Variants in BACH2 observed in about 807,000 individuals in gnomAD.
BACH2 encodes the protein transcription regulator protein BACH2.
A neutral mutation model predicts 61.8 loss-of-function variants in BACH2; 5 were observed. That is an observed-to-expected ratio of 0.08 (90% CI 0.04 to 0.17). The LOEUF (loss-of-function observed/expected upper bound fraction) is 0.17, where lower values mean the gene tolerates loss of function less well. Among genes scored for constraint, BACH2 ranks in the 10% least tolerant of loss-of-function variants. The pLI is 1.00. For missense variants in BACH2, 824 were observed against 1,091.1 expected (o/e 0.76, Z 3.45); for synonymous variants, 446 against 440.1 (o/e 1.01, Z -0.17).
chr6:90,170,509 G>A (rs1377474446), intron 4 of BACH2, among the ~76,000 whole-genome samples: 3 of 152,154 alleles, frequency 2.0e-5, no homozygotes, highest in African/African-American at 4.8e-5. Flanking sequence ...TGAAAAGTCA[G>A]TAAATGAGTG....
chr6:90,127,064 A>G (rs1273546585), intron 4 of BACH2, among the ~76,000 whole-genome samples: 1 of 152,256 alleles, frequency 6.6e-6, no homozygotes, highest in East Asian at 1.9e-4. Flanking sequence ...ACTGCTCACA[A>G]GTGACGCTCA....
At chr6:90,115,106 T>A (rs1783338193) in intron 4 of BACH2, among the ~76,000 whole-genome samples, 1 of 152,104 alleles carries the variant, frequency 6.6e-6, no homozygotes, top group African/African-American at 2.4e-5. Flanking sequence ...CCGAAGCAAT[T>A]TACAGATTCA....
At chr6:90,179,821 A>G (rs926254502) in intron 4 of BACH2, among the ~76,000 whole-genome samples, 3 of 152,242 alleles carry the variant, frequency 2.0e-5, no homozygotes, top group African/African-American at 7.2e-5. Flanking sequence ...CTGGGAACCA[A>G]TGCCATAGAA....
intron 5 of BACH2, among the ~76,000 whole-genome samples, chr6:90,033,367 A>AG (rs1341532379): frequency 1.3e-5 from 2 of 151,914 alleles, no homozygotes; most frequent in Non-Finnish European, 2.9e-5. Context: ...AAAAAAAAAA[A>AG]AAAGAAAATC....
At chr6:90,181,174 T>C (rs906599732) in intron 4 of BACH2, among the ~76,000 whole-genome samples, 2 of 152,310 alleles carry the variant, frequency 1.3e-5, no homozygotes, top group African/African-American at 4.8e-5. Context: ...TGTACATCAA[T>C]ATCTATTGTT....
At chr6:90,146,391 G>C (rs1196107697) in intron 4 of BACH2, among the ~76,000 whole-genome samples, 2 of 152,190 alleles carry the variant, frequency 1.3e-5, no homozygotes, top group African/African-American at 4.8e-5. Flanking sequence ...ATTCATCCTT[G>C]TTTTCCAGTG....
chr6:90,076,334 C>G (rs1293028283), intron 5 of BACH2, among the ~76,000 whole-genome samples: 1 of 152,118 alleles, frequency 6.6e-6, no homozygotes, highest in African/African-American at 2.4e-5. Context: ...TACTGAACAC[C>G]TAATATCACC....
intron 1 of BACH2, among the ~76,000 whole-genome samples, chr6:90,281,244 G>GT (rs1443500653): frequency 2.0e-5 from 3 of 152,294 alleles, no homozygotes; most frequent in East Asian, 1.9e-4. Context: ...TACCAAGCAA[G>GT]TGTTCCCATG....
chr6:90,158,545 C>G (rs1285146752), intron 4 of BACH2, among the ~76,000 whole-genome samples: 4 of 152,084 alleles, frequency 2.6e-5, no homozygotes, highest in Admixed American at 2.0e-4. Context: ...AAAGGGACAT[C>G]AGGAAGAGCG....
chr6:90,101,281 A>G (rs1429155320), intron 4 of BACH2, among the ~76,000 whole-genome samples: 1 of 152,100 alleles, frequency 6.6e-6, no homozygotes, highest in East Asian at 1.9e-4. Context: ...TGTCTTTTGT[A>G]CTTGTGGTGT....
intron 2 of BACH2, among the ~76,000 whole-genome samples, chr6:90,270,482 T>C (rs1265617784): frequency 6.6e-6 from 1 of 152,066 alleles, no homozygotes; most frequent in Non-Finnish European, 1.5e-5. Flanking sequence ...CAACAGCTGC[T>C]AAATAAACAA....
intron 3 of BACH2, among the ~76,000 whole-genome samples, chr6:90,240,572 C>T (rs1397363641): frequency 6.6e-6 from 1 of 152,140 alleles, no homozygotes; most frequent in Non-Finnish European, 1.5e-5. Flanking sequence ...GGAATTCTTC[C>T]TCATAAGAAC....
chr6:90,220,858 G>C (rs1374704822), intron 3 of BACH2, among the ~76,000 whole-genome samples: 1 of 152,150 alleles, frequency 6.6e-6, no homozygotes, highest in African/African-American at 2.4e-5. Flanking sequence ...TTAACTACCT[G>C]GTTTTCTAAG....
At chr6:90,005,143 T>C (rs970943002) in intron 6 of BACH2, among the ~76,000 whole-genome samples, 2 of 151,998 alleles carry the variant, frequency 1.3e-5, no homozygotes, top group Admixed American at 6.5e-5. Context: ...GGGGGTGGAA[T>C]TGCACAACTG....
chr6:90,248,634 T>C (rs766104088), intron 3 of BACH2, among the ~76,000 whole-genome samples: 9 of 151,502 alleles, frequency 5.9e-5, no homozygotes, highest in Non-Finnish European at 1.0e-4. Context: ...AAGTGGGAGG[T>C]GGGGTGGGCA....
intron 4 of BACH2, among the ~76,000 whole-genome samples, chr6:90,184,438 G>C (rs1356064678): frequency 6.6e-6 from 1 of 152,200 alleles, no homozygotes; most frequent in Non-Finnish European, 1.5e-5. Flanking sequence ...ATCAACAGTT[G>C]TTGCAATCTC....
intron 4 of BACH2, among the ~76,000 whole-genome samples, chr6:90,124,049 G>A (rs75366966): frequency 0.04 from 6,025 of 152,152 alleles, 362 homozygotes; most frequent in African/African-American, 0.13. Context: ...ACTTAAGGGT[G>A]GCTGAGTCAG....
chr6:90,184,580 G>C lies in BACH2; in HGVS notation c.-162+21989C>G, dbSNP rs1229338637. 3.3e-5 allele frequency among the ~76,000 whole-genome samples: 5 copies of C among 152,180 alleles called. 1 individual carries two copies. Among genetic ancestry groups the C allele is most frequent in the Admixed American group, 6.5e-5 (1 of 15,276 alleles). ...GGTAAGAAGACAAGCAGGCTCCCGG[G>C]GGAAGTGGAGGACCATATGAAGTTT... On this transcript the variant is annotated intron_variant, in intron 4 of 8. Transcript: ENST00000257749.
At chr6:90,286,465 C>T (rs964983443) in intron 1 of BACH2, among the ~76,000 whole-genome samples, 5 of 152,090 alleles carry the variant, frequency 3.3e-5, no homozygotes, top group South Asian at 4.1e-4. Context: ...AGAAATAGGG[C>T]CAGGCCAATG....
Sources: allele counts gnomAD v4.1 joint callset (sites outside exome capture counted in the v4.1 genomes callset), GRCh38; gene constraint gnomAD v4.1.1; transcripts MANE v1.5; gene names NCBI Gene and HGNC (gene_info 2026-07-23, HGNC 2026-07-21).